Variants in RASGEF1C observed in about 807,000 individuals in gnomAD.
RASGEF1C encodes RasGEF domain family member 1C, also known as ras-GEF domain-containing family member 1C.
A neutral mutation model predicts 58.1 loss-of-function variants in RASGEF1C; 27 were observed. That is an observed-to-expected ratio of 0.46 (90% confidence interval 0.34 to 0.64). RASGEF1C has a LOEUF of 0.64. RASGEF1C is among the 30% of genes least tolerant of loss of function. The probability of loss-of-function intolerance (pLI) is 0.01; values close to 1 mark genes in which losing one functional copy is unlikely to be tolerated. For synonymous variants in RASGEF1C, 243 were observed against 246.3 expected, an observed-to-expected ratio of 0.99 and a Z score of 0.13; for missense variants, 502 against 605.1, an observed-to-expected ratio of 0.83 and a Z score of 1.79.
In RASGEF1C at chr5:180,155,973, T is replaced by C. The variant is rs1581111473; in HGVS notation, c.-6-17915A>G. Among the ~76,000 whole-genome samples, 2 of 152,142 alleles carry C rather than the reference T, an allele frequency of 1.3e-5. No homozygotes were observed. Among genetic ancestry groups the C allele is most frequent in the East Asian group, 3.9e-4 (2 of 5,164 alleles). Reference sequence around the variant, plus strand: ...TCCAATTAGAGCAAAGCCTGGGCTTTGCTTCGAGACAATTACTATTATTAT... The same window carrying C: ...TCCAATTAGAGCAAAGCCTGGGCTTCGCTTCGAGACAATTACTATTATTAT... On this transcript the variant is annotated intron_variant, in intron 1 of 13. Coordinates refer to ENST00000361132, the MANE Select transcript of RASGEF1C (RefSeq NM_175062.4). The surrounding 1 kb of genome is among the most constrained non-coding windows in gnomAD (Gnocchi z 5.2).
chr5:180,164,749 G>T (rs978410392), intron 1 of RASGEF1C, among the ~76,000 whole-genome samples: 2 of 152,306 alleles, frequency 1.3e-5, no homozygotes, highest in South Asian at 2.1e-4. Flanking sequence ...CACTTGAAAA[G>T]AATTCTGCTG....
chr5:180,117,994 C>CAAAAAAAAAAA (rs3078957), intron 10 of RASGEF1C, among the ~76,000 whole-genome samples: 1 of 108,682 alleles, frequency 9.2e-6, no homozygotes, highest in African/African-American at 3.6e-5. Flanking sequence ...ACTCCATCTC[C>CAAAAAAAAAAA]AAAAAAAAAA....
intron 1 of RASGEF1C, among the ~76,000 whole-genome samples, chr5:180,196,646 C>T (rs1756285166): frequency 6.6e-6 from 1 of 152,072 alleles, no homozygotes; most frequent in African/African-American, 2.4e-5. Flanking sequence ...CGAGGTTCTT[C>T]ATAAAAATCC....
intron 12 of RASGEF1C, among the ~76,000 whole-genome samples, chr5:180,107,326 CTG>C (rs1208165901): frequency 6.6e-6 from 1 of 151,652 alleles, no homozygotes; most frequent in East Asian, 1.9e-4. Flanking sequence ...TCTTTTTGTT[CTG>C]TGTTTTGTTC....
intron 1 of RASGEF1C, among the ~76,000 whole-genome samples, chr5:180,144,330 T>C (rs1766632362): frequency 6.6e-6 from 1 of 152,220 alleles, no homozygotes; most frequent in Non-Finnish European, 1.5e-5. Flanking sequence ...CCCACTGCTT[T>C]AGCCTCAAAG....
Position 180,174,414 on chromosome 5 carries a change from G to A in RASGEF1C, c.-7+34614C>T, listed in dbSNP as rs114381503. Among the ~76,000 whole-genome samples, 200 of 150,824 alleles carry A rather than the reference G, an allele frequency of 1.3e-3. 1 individual carries two copies. The highest frequency in any genetic ancestry group is 4.2e-3 in the African/African-American group (173 of 40,822). On this transcript the variant is annotated intron_variant, in intron 1 of 13. Transcript: ENST00000361132. ...TGCATGTGTGTGCGTCTGTGTGTGC[G>A]TGCGTGCATGTGCACACGTGTGTGT...
chr5:180,161,533 G>A (rs1766944061), intron 1 of RASGEF1C, among the ~76,000 whole-genome samples: 1 of 152,240 alleles, frequency 6.6e-6, no homozygotes, highest in Non-Finnish European at 1.5e-5. Flanking sequence ...GACCTGACGC[G>A]AGCTCTGTGG....
Position 180,136,398 on chromosome 5 carries a change from G to A in RASGEF1C, c.418C>T (p.Arg140Cys), listed in dbSNP as rs766115527. 5.1e-6 allele frequency: 8 copies of A among 1,558,420 alleles called. No individual in the cohort carries two copies. The highest frequency in any genetic ancestry group is 3.5e-5 in the South Asian group (3 of 84,638). ...CCCACCTCGTCACAGGGGGCGATGC[G>A]GCCCACGACGTCCTTAAGGTGCCCG... Reference protein sequence around the residue: ...TIGHLKDVVGRIAPCDEAYRK... With the variant: ...TIGHLKDVVGCIAPCDEAYRK... Residue 140 changes from arginine to cysteine, a missense_variant, in exon 4 of 14, where the codon CGC (arginine) becomes TGC (cysteine). Transcript: ENST00000361132.
At chr5:180,206,872 G>A (rs1392091577) in intron 1 of RASGEF1C, among the ~76,000 whole-genome samples, 1 of 152,206 alleles carries the variant, frequency 6.6e-6, no homozygotes, top group Non-Finnish European at 1.5e-5. Context: ...TAAATGACTT[G>A]TTTTGCAGAA....
intron 12 of RASGEF1C, among the ~76,000 whole-genome samples, chr5:180,103,689 C>T (rs1216306267): frequency 1.3e-5 from 2 of 152,186 alleles, no homozygotes; most frequent in African/African-American, 2.4e-5. Flanking sequence ...CCTTATCGCA[C>T]TAACTAGTTC....
Position 180,115,289 on chromosome 5 carries a change from T to TAA in RASGEF1C, c.1084-749_1084-748insTT, listed in dbSNP as rs781667646. The TAA allele has an allele frequency of 8.0e-4, 318 of 395,136 alleles. 1 individual carries two copies. Among genetic ancestry groups the TAA allele is most frequent in the South Asian group, 1.3e-3 (69 of 53,852 alleles). 24.5% of individuals were successfully genotyped at this position (395,136 alleles called of 1,614,324 possible). ...TCGGCCTCCCAAGGTGGCCTCCTTT[T>TAA]TAAAAAAAAAAAAAAAAATTTAACA... On this transcript the variant is annotated intron_variant, in intron 10 of 13. Coordinates refer to ENST00000361132, the MANE Select transcript of RASGEF1C (RefSeq NM_175062.4).
chr5:180,201,030 G>T (rs1756385746), intron 1 of RASGEF1C, among the ~76,000 whole-genome samples: 1 of 152,178 alleles, frequency 6.6e-6, no homozygotes, highest in Admixed American at 6.5e-5. Flanking sequence ...CCCAGGAGTT[G>T]GAGGCTGCAG....
intron 1 of RASGEF1C, among the ~76,000 whole-genome samples, chr5:180,179,467 C>A (rs1581122766): frequency 1.3e-5 from 2 of 152,222 alleles, no homozygotes; most frequent in African/African-American, 4.8e-5. Flanking sequence ...GCTGAGCAGA[C>A]CAACCCAGGA....
At chr5:180,114,658 G>A (rs1323848694) in intron 10 of RASGEF1C, 117 bp from the exon 11 acceptor site, 3 of 918,534 alleles carry the variant, frequency 3.3e-6, no homozygotes, top group South Asian at 1.5e-5. Context: ...CGACCCCAGG[G>A]TGCAGAGGGC....
intron 4 of RASGEF1C, among the ~76,000 whole-genome samples, chr5:180,132,028 TC>T (rs1766377994): frequency 6.6e-6 from 1 of 152,170 alleles, no homozygotes; most frequent in African/African-American, 2.4e-5. Context: ...TTCTCCACAC[TC>T]GTGGATAGGA....
intron 1 of RASGEF1C, among the ~76,000 whole-genome samples, chr5:180,166,917 C>T (rs1290337401): frequency 4.6e-5 from 7 of 152,142 alleles, no homozygotes; most frequent in East Asian, 3.9e-4. Context: ...TCTGAAAGGA[C>T]GTCCACAGTC....
chr5:180,160,939 A>C (rs1475869771), intron 1 of RASGEF1C, among the ~76,000 whole-genome samples: 1 of 152,242 alleles, frequency 6.6e-6, no homozygotes, highest in Admixed American at 6.5e-5. Context: ...GAAACGTGTC[A>C]GCAAGACAGA....
chr5:180,150,063 T>G (rs1386386496), intron 1 of RASGEF1C, among the ~76,000 whole-genome samples: 1 of 152,208 alleles, frequency 6.6e-6, no homozygotes, highest in Non-Finnish European at 1.5e-5. Flanking sequence ...GTTCACTTTT[T>G]CAATCTTTTT....
intron 1 of RASGEF1C, among the ~76,000 whole-genome samples, chr5:180,207,514 G>C (rs1461556663): frequency 6.6e-6 from 1 of 152,278 alleles, no homozygotes; most frequent in South Asian, 2.1e-4. Flanking sequence ...TGGCAGGAGG[G>C]TGCAGACCCC....
Sources: allele counts gnomAD v4.1 joint callset (sites outside exome capture counted in the v4.1 genomes callset), GRCh38; gene constraint gnomAD v4.1.1; non-coding constraint Gnocchi (gnomAD v3.1); transcripts MANE v1.5; gene names NCBI Gene and HGNC (gene_info 2026-07-23, HGNC 2026-07-21).